Variants in RHD observed in about 807,000 individuals in gnomAD.
RHD encodes the protein blood group Rh(D) polypeptide.
In RHD, 16 loss-of-function variants were observed where a neutral mutation model predicts 45.5. The ratio of observed to expected loss-of-function variants is 0.35; its 90% confidence interval spans 0.24 to 0.53. RHD has a LOEUF of 0.53. Ranked by LOEUF, RHD falls within the 20% of genes least tolerant of loss-of-function variation. The pLI is 0.92. For missense variants in RHD, 306 were observed against 532.0 expected, an observed-to-expected ratio of 0.58 and a Z score of 4.18; for synonymous variants, 131 against 217.5, an observed-to-expected ratio of 0.60 and a Z score of 3.50.
chr1:25,279,641 C>T (rs1217187358), intron 1 of RHD, among the ~76,000 whole-genome samples: 4 of 124,880 alleles, frequency 3.2e-5, no homozygotes, highest in African/African-American at 1.1e-4. Flanking sequence ...GTCTGTAAGG[C>T]ACGTAGAACA....
rs189770361 is a variant in RHD at position 25,302,884 on chromosome 1, C to T, written c.802-438C>T. ...CTAGGCCAGGTGCAGTGGCTCACAC[C>T]TGTAATCCCAATATTTTGGGAGGCT... On this transcript the variant is annotated intron_variant, in intron 5 of 9. Transcript: ENST00000328664. 1.2e-3 allele frequency among the ~76,000 whole-genome samples: 159 copies of T among 131,070 alleles called. 26 individuals are homozygous for T. The highest frequency in any genetic ancestry group is 4.0e-3 in the African/African-American group (151 of 38,024). 86.0% of individuals were successfully genotyped at this position (131,070 alleles called of 152,430 possible).
intron 6 of RHD, 121 bp from the exon 7 acceptor site, chr1:25,306,472 CTTT>C (rs1643844583): frequency 2.1e-6 from 2 of 951,928 alleles, no homozygotes; most frequent in African/African-American, 3.2e-5. Flanking sequence ...AGAAGGGCTT[CTTT>C]GAGGTGAGCC....
chr1:25,279,911 G>A (rs1641325147), intron 1 of RHD, among the ~76,000 whole-genome samples: 1 of 129,078 alleles, frequency 7.7e-6, no homozygotes, highest in Non-Finnish European at 1.8e-5. Flanking sequence ...AGCAGCTGAT[G>A]TGAGTGCAGA....
At chr1:25,274,773 A>G (rs1640798976) in intron 1 of RHD, among the ~76,000 whole-genome samples, 1 of 133,872 alleles carries the variant, frequency 7.5e-6, no homozygotes, top group Non-Finnish European at 1.8e-5. Flanking sequence ...TTGGGAGGCC[A>G]AGGCTGGAGA....
rs530146465 is a variant in RHD, at chr1:25,281,094, C to T, written c.149-3479C>T. 3.0e-5 allele frequency among the ~76,000 whole-genome samples: 4 copies of T among 132,624 alleles called. No homozygotes were observed. The East Asian group carries it at 7.8e-4, about 26-fold the overall frequency. The allele number at this position is 132,624 out of a possible 152,430, so 87.0% of individuals were successfully genotyped here. The stretch of plus-strand genomic sequence containing the variant: ...ACTGAGGCCTAAAGAGGGTAATGGA[C>T]TTGCCTAAGATCACTTAGTGAGGTG... On this transcript the variant is annotated intron_variant, in intron 1 of 9. Transcript: ENST00000328664.
At chr1:25,321,020 G>A (rs2124141790) in intron 8 of RHD, among the ~76,000 whole-genome samples, 1 of 131,554 alleles carries the variant, frequency 7.6e-6, no homozygotes, top group African/African-American at 2.6e-5. Flanking sequence ...CTCCAGCCTG[G>A]ATAACAGAAT....
At chr1:25,321,543 G>A (rs191622759) in intron 8 of RHD, among the ~76,000 whole-genome samples, 1,842 of 121,458 alleles carry the variant, frequency 0.015, 293 homozygotes, top group African/African-American at 0.047. Flanking sequence ...GGTGGCAGGC[G>A]CCTATAATCT....
In RHD at chr1:25,314,535, C is replaced by G. The variant is rs1168692863; in HGVS notation, c.1074-2465C>G. Among the ~76,000 whole-genome samples, 105 of 132,558 alleles carry G rather than the reference C, an allele frequency of 7.9e-4. 16 individuals carry two copies. The highest frequency in any genetic ancestry group is 2.6e-3 in the African/African-American group (103 of 38,978). The allele number at this position is 132,558 out of a possible 152,430, so 87.0% of individuals were successfully genotyped here. ...TTGAAACAGAGTCTCCTTCTGTCAC[C>G]CAGGCTGGAATGCAGTGGCGCTATC... On this transcript the variant is annotated intron_variant, in intron 7 of 9. Coordinates refer to ENST00000328664, the MANE Select transcript of RHD (RefSeq NM_016124.6).
intron 1 of RHD, among the ~76,000 whole-genome samples, chr1:25,278,609 A>G (rs1641218089): frequency 7.6e-6 from 1 of 131,054 alleles, no homozygotes; most frequent in Admixed American, 7.5e-5. Flanking sequence ...TACTGTAACA[A>G]TCGCCTACCA....
rs754994634 is a variant in RHD at position 25,282,648 on chromosome 1, G to C, written c.149-1925G>C. ...TTTTTGAAAAACATTGTCTAGGCTG[G>C]GCACGATGGCTCATGCCTGTAATCC... On this transcript the variant is annotated intron_variant, in intron 1 of 9. Transcript: ENST00000328664. Among the ~76,000 whole-genome samples, 72 of 132,072 alleles carry C rather than the reference G, an allele frequency of 5.5e-4. 16 individuals carry two copies. The highest frequency in any genetic ancestry group is 9.0e-4 in the Non-Finnish European group (50 of 55,700). 86.6% of individuals were successfully genotyped at this position (132,072 alleles called of 152,430 possible).
chr1:25,299,965 G>T lies in RHD; in HGVS notation c.487-981G>T, dbSNP rs538217694. On this transcript the variant is annotated intron_variant, in intron 3 of 9. Coordinates refer to ENST00000328664, the MANE Select transcript of RHD (RefSeq NM_016124.6). ...GGGTTTTGCCATGTTGGCCAGGCTG[G>T]TATCGAACTCCTGACCTCAGGTGAT... Among the ~76,000 whole-genome samples the T allele has an allele frequency of 1.3e-3, 176 of 130,864 alleles. 27 individuals carry two copies. The highest frequency in any genetic ancestry group is 4.5e-3 in the African/African-American group (170 of 38,028). The allele number at this position is 130,864 out of a possible 152,430, so 85.9% of individuals were successfully genotyped here. A position where few individuals can be genotyped will look rare whatever the true frequency, so the allele number is the denominator to read the frequency against.
At chr1:25,273,302 ATTT>A (rs750823240) in intron 1 of RHD, among the ~76,000 whole-genome samples, 4 of 97,778 alleles carry the variant, frequency 4.1e-5, no homozygotes, top group Admixed American at 1.0e-4. Flanking sequence ...TGCCTGGCTA[ATTT>A]TTTTTTTTTT....
chr1:25,311,438 T>C lies in RHD; in HGVS notation c.1073+4709T>C, dbSNP rs1292133880. Among the ~76,000 whole-genome samples the C allele has an allele frequency of 1.6e-5, 2 of 128,842 alleles. 1 individual carries two copies. The highest frequency in any genetic ancestry group is 3.7e-5 in the Non-Finnish European group (2 of 54,598). 84.5% of individuals were successfully genotyped at this position (128,842 alleles called of 152,430 possible). A position where few individuals can be genotyped will look rare whatever the true frequency, so the allele number is the denominator to read the frequency against. ...TACCTGGGAGGCTGAGGCAGGAGAA[T>C]GGCATGAACCCGGGAGGCAGAGCTT... On this transcript the variant is annotated intron_variant, in intron 7 of 9. Transcript: ENST00000328664.
At chr1:25,300,838 T>G in intron 3 of RHD, 108 bp from the exon 4 acceptor site, 1 of 1,214,010 alleles carries the variant, frequency 8.2e-7, no homozygotes, top group East Asian at 2.3e-5. Context: ...TCTCATGGCT[T>G]CAAGTCACAC....
At chr1:25,302,864 C>A (rs1350549559) in intron 5 of RHD, among the ~76,000 whole-genome samples, 1 of 131,408 alleles carries the variant, frequency 7.6e-6, no homozygotes, top group Non-Finnish European at 1.8e-5. Flanking sequence ...TTCTTCTAGG[C>A]CAGGTGCAGT....
Position 25,287,471 on chromosome 1 carries a change from C to T in RHD, c.335+2712C>T, listed in dbSNP as rs1017329118. ...CTGCTGAAACTGGCTCCTTCCTGAC[C>T]GGTTCCCGTCAGGGCTGTGCTGATG... On this transcript the variant is annotated intron_variant, in intron 2 of 9. Transcript: ENST00000328664. 9.6e-5 allele frequency among the ~76,000 whole-genome samples: 13 copies of T among 135,108 alleles called. 1 individual carries two copies. Among genetic ancestry groups the T allele is most frequent in the East Asian group, 1.9e-4 (1 of 5,176 alleles). 88.6% of individuals were successfully genotyped at this position (135,108 alleles called of 152,430 possible).
intron 3 of RHD, among the ~76,000 whole-genome samples, chr1:25,291,187 GGCTGGGT>G (rs1642474102): frequency 7.7e-6 from 1 of 129,890 alleles, no homozygotes; most frequent in African/African-American, 2.7e-5. Flanking sequence ...CAGACAGACA[GGCTGGGT>G]ACAGTGGCTC....
In RHD at chr1:25,303,415, C is replaced by G. The variant is rs772372065; in HGVS notation, c.895C>G (p.Leu299Val). 33 of 1,378,996 alleles carry G rather than the reference C, an allele frequency of 2.4e-5. 11 individuals carry two copies. The highest frequency in any genetic ancestry group is 3.2e-5 in the Non-Finnish European group (31 of 978,900). 85.4% of individuals were successfully genotyped at this position (1,378,996 alleles called of 1,614,324 possible). The stretch of plus-strand genomic sequence containing the variant: ...TCCGTGGCTTGCCATGGTGCTGGGT[C>G]TTGTGGCTGGGCTGATCTCCGTCGG... ...PSPWLAMVLGLVAGLISVGGA... is the reference protein window; with the variant it reads ...PSPWLAMVLGVVAGLISVGGA... Residue 299 changes from leucine (L) to valine (V), a missense_variant, in exon 6 of 10, where the codon CTT becomes GTT. Leu to Val is a conservative substitution (Grantham distance 32, BLOSUM62 1). Coordinates refer to ENST00000328664, the MANE Select transcript of RHD (RefSeq NM_016124.6).
At position 25,285,333 on chromosome 1, in the gene RHD, C is replaced by T. The variant is rs139793460; in HGVS notation, c.335+574C>T. On this transcript the variant is annotated intron_variant, in intron 2 of 9. Transcript: ENST00000328664. ...ATTTTTAGTAGAGATAGGGTTTCTC[C>T]GTGTTGGTCAGGCTAGTCTCAAACT... is the stretch of plus-strand genomic sequence containing the variant. Among the ~76,000 whole-genome samples the T allele has an allele frequency of 8.5e-3, 1,140 of 133,870 alleles. 156 individuals are homozygous for T. The highest frequency in any genetic ancestry group is 0.026 in the African/African-American group (1,019 of 38,544). The allele number at this position is 133,870 out of a possible 152,430, so 87.8% of individuals were successfully genotyped here. A position where few individuals can be genotyped will look rare whatever the true frequency, so the allele number is the denominator to read the frequency against.
Sources: allele counts gnomAD v4.1 joint callset (sites outside exome capture counted in the v4.1 genomes callset), GRCh38; gene constraint gnomAD v4.1.1; transcripts MANE v1.5; gene names NCBI Gene and HGNC (gene_info 2026-07-23, HGNC 2026-07-21).